The following VWA8 variants were observed in gnomAD, a reference collection of about 807,000 sequenced individuals.
The protein encoded by VWA8 is von Willebrand factor A domain containing 8, also known as von Willebrand factor A domain-containing protein 8.
Under a neutral mutation model 241.5 loss-of-function variants are expected in VWA8, and 221 were observed. That is an observed-to-expected ratio of 0.91 (90% CI 0.82 to 1.02). The LOEUF (loss-of-function observed/expected upper bound fraction) is 1.02, where lower values mean the gene tolerates loss of function less well. VWA8 is among the 50% of genes least tolerant of loss of function. The pLI, the probability that VWA8 is intolerant of heterozygous loss-of-function variation, is 0.00. For synonymous variants in VWA8, 852 were observed against 827.1 expected (o/e 1.03, Z -0.52); for missense variants, 2,322 against 2,328.7 (o/e 1.00, Z 0.06).
chr13:41,659,166 C>T (rs965236349), intron 37 of VWA8, among the ~76,000 whole-genome samples: 2 of 152,174 alleles, frequency 1.3e-5, no homozygotes, highest in African/African-American at 4.8e-5. Flanking sequence ...CCATCATGAC[C>T]TTGTATCAGT....
chr13:41,721,279 T>C lies in VWA8; in HGVS notation c.2964+91A>G, dbSNP rs191657179. 2.2e-3 allele frequency: 2,901 copies of C among 1,291,008 alleles called. 9 individuals are homozygous for C. Among genetic ancestry groups the C allele is most frequent in the Middle Eastern group, 3.6e-3 (15 of 4,118 alleles). The allele number at this position is 1,291,008 out of a possible 1,614,324, so 80.0% of individuals were successfully genotyped here. Reference sequence around the variant, plus strand: ...GTAATCTGACTCATTATTGTATTTATGGAAATTAAAAACTCTGGTACAAAC... The same window carrying C: ...GTAATCTGACTCATTATTGTATTTACGGAAATTAAAAACTCTGGTACAAAC... On this transcript the variant is annotated intron_variant, in intron 25 of 44. Transcript: ENST00000379310.
intron 41 of VWA8, among the ~76,000 whole-genome samples, chr13:41,588,458 T>C (rs1026621305): frequency 1.3e-5 from 2 of 152,212 alleles, no homozygotes; most frequent in African/African-American, 4.8e-5. Flanking sequence ...CAGGGGCTCA[T>C]GCCTGTAATC....
chr13:41,616,519 CT>C (rs1397464707), intron 37 of VWA8, among the ~76,000 whole-genome samples: 1 of 151,986 alleles, frequency 6.6e-6, no homozygotes, highest in African/African-American at 2.4e-5. Flanking sequence ...ATTTAAAATA[CT>C]TTCCCAAAAA....
At chr13:41,912,524 C>T (rs1876060763) in intron 2 of VWA8, among the ~76,000 whole-genome samples, 1 of 152,024 alleles carries the variant, frequency 6.6e-6, no homozygotes, top group Admixed American at 6.6e-5. Context: ...AAGCGATCTT[C>T]AAGGATGATT....
Position 41,816,752 on chromosome 13 carries a change from A to C in VWA8, c.1893T>G (p.Ala631=). The C allele has an allele frequency of 6.2e-7, 1 of 1,613,642 alleles. No individual in the cohort carries two copies. Among genetic ancestry groups the C allele is most frequent in the East Asian group, 2.2e-5 (1 of 44,802 alleles). The change falls in exon 16 of 45, where the codon GCT becomes GCG. Residue 631 remains alanine, a synonymous_variant. Coordinates refer to ENST00000379310, the MANE Select transcript of VWA8 (RefSeq NM_015058.2). The part of the protein sequence containing the change: ...KEKVPNVPQE[A]LDKLLSFTHK... ...GTGTAAATGATAATAACTTATCCAG[A>C]GCTTCCTGAGGTACATTTGGGACCT... is the stretch of plus-strand genomic sequence containing the variant.
Position 41,787,522 on chromosome 13 carries a change from C to G in VWA8, c.2085G>C (p.Arg695Ser), listed in dbSNP as rs1289099119. 1.2e-6 allele frequency: 2 copies of G among 1,611,550 alleles called. No homozygotes were observed. Among genetic ancestry groups the G allele is most frequent in the African/African-American group, 2.7e-5 (2 of 74,514 alleles). The change falls in exon 18 of 45, where the codon AGG becomes AGC. Residue 695 changes from arginine to serine, a missense_variant. By Grantham distance (110) the Arg-to-Ser change is moderately radical. Coordinates refer to ENST00000379310, the MANE Select transcript of VWA8 (RefSeq NM_015058.2). Reference sequence around the variant, plus strand: ...CTGCCAGATTTTTTTCTAATGCTGACCTAGCAAGACTGGGTAAAAACCTGG... The same window carrying G: ...CTGCCAGATTTTTTTCTAATGCTGAGCTAGCAAGACTGGGTAAAAACCTGG... ...CLSRFLPSLARSALEKNLADA... is the reference protein window; with the variant it reads ...CLSRFLPSLASSALEKNLADA...
chr13:41,956,936 G>GT (rs1878374851), intron 1 of VWA8, among the ~76,000 whole-genome samples: 2 of 152,126 alleles, frequency 1.3e-5, no homozygotes, highest in Admixed American at 6.5e-5. Flanking sequence ...TTAAAAAAAT[G>GT]TATCTGTATA....
chr13:41,918,590 GT>G (rs1566038956), intron 2 of VWA8, among the ~76,000 whole-genome samples: 1 of 151,952 alleles, frequency 6.6e-6, no homozygotes, highest in African/African-American at 2.4e-5. Context: ...TTTTTATATT[GT>G]TTTGATTTCT....
intron 12 of VWA8, among the ~76,000 whole-genome samples, chr13:41,856,671 A>C (rs570055260): frequency 6.6e-6 from 1 of 152,076 alleles, no homozygotes; most frequent in African/African-American, 2.4e-5. Context: ...AAATACAAAA[A>C]AAATTAGCCA....
intron 40 of VWA8, among the ~76,000 whole-genome samples, chr13:41,602,392 C>T (rs1227983407): frequency 6.6e-6 from 1 of 152,052 alleles, no homozygotes; most frequent in Non-Finnish European, 1.5e-5. Flanking sequence ...CCATACAGCC[C>T]AGGACAGGTT....
chr13:41,847,860 A>G (rs1011766064), intron 12 of VWA8, among the ~76,000 whole-genome samples: 1 of 152,244 alleles, frequency 6.6e-6, no homozygotes, highest in Non-Finnish European at 1.5e-5. Context: ...TGAATAGAAT[A>G]TGGAATGCAA....
chr13:41,604,487 T>C lies in VWA8; in HGVS notation c.4986+681A>G, dbSNP rs9566807. ...GCTTTTCCAGAGTTTTGGGTTAAAA[T>C]GGTGGATTAAAAACGGCATCACAGA... On this transcript the variant is annotated intron_variant, in intron 40 of 44. Transcript: ENST00000379310. 3.3e-5 allele frequency among the ~76,000 whole-genome samples: 5 copies of C among 152,230 alleles called. No individual in the cohort carries two copies. In the East Asian group the frequency reaches 9.7e-4, roughly 29 times the overall value.
At chr13:41,807,977 AT>A (rs1870292263) in intron 17 of VWA8, 2 of 152,196 alleles carry the variant, frequency 1.3e-5, no homozygotes, top group Non-Finnish European at 2.9e-5. Context: ...CACTTCACAT[AT>A]GATGATACAT....
chr13:41,591,721 A>G (rs2044456013), intron 40 of VWA8, among the ~76,000 whole-genome samples: 2 of 149,262 alleles, frequency 1.3e-5, no homozygotes, highest in South Asian at 4.4e-4. Context: ...AAAAATGCTC[A>G]TCATCACTGG....
intron 3 of VWA8, among the ~76,000 whole-genome samples, chr13:41,911,327 G>A (rs1395994638): frequency 6.6e-6 from 1 of 152,166 alleles, no homozygotes; most frequent in East Asian, 1.9e-4. Flanking sequence ...GCCTCCCAAA[G>A]GGCTGGGATT....
In VWA8 at chr13:41,570,814, C is replaced by A. The variant is rs570945238; in HGVS notation, c.5371-108G>T. The A allele has an allele frequency of 1.2e-5, 10 of 863,482 alleles. No homozygotes were observed. The Admixed American group carries it at 2.4e-4, about 21-fold the overall frequency. 53.5% of individuals were successfully genotyped at this position (863,482 alleles called of 1,614,324 possible). On this transcript the variant is annotated intron_variant, in intron 43 of 44. Coordinates refer to ENST00000379310, the MANE Select transcript of VWA8 (RefSeq NM_015058.2). ...AGCATGCATACATACCAATTATTAC[C>A]CATGAGTAGTACATTCTAAGTTAGT...
rs78249715 is a variant in VWA8, at chr13:41,886,084, T to C, written c.867-56A>G. ...GTTTTAAAATATAAAATGTGTAAGT[T>C]GTTAAATATAAAATACAGGGGCCAA... On this transcript the variant is annotated intron_variant, in intron 7 of 44. Coordinates refer to ENST00000379310, the MANE Select transcript of VWA8 (RefSeq NM_015058.2). The C allele has an allele frequency of 3.7e-3, 4,530 of 1,221,822 alleles. 141 individuals carry two copies. The African/African-American group carries it at 0.062, about 17-fold the overall frequency. The allele number at this position is 1,221,822 out of a possible 1,614,324, so 75.7% of individuals were successfully genotyped here.
At chr13:41,946,927 C>T (rs1034755414) in intron 2 of VWA8, among the ~76,000 whole-genome samples, 1 of 152,240 alleles carries the variant, frequency 6.6e-6, no homozygotes, top group African/African-American at 2.4e-5. Context: ...TCCTCATAAT[C>T]TAATCACCCT....
chr13:41,619,595 T>C (rs1391470532), intron 37 of VWA8, among the ~76,000 whole-genome samples: 1 of 152,224 alleles, frequency 6.6e-6, no homozygotes, highest in Non-Finnish European at 1.5e-5. Flanking sequence ...AGTATGATAT[T>C]GGCTGTGGGT....
Sources: gnomAD v4.1 joint callset for allele counts (sites outside exome capture counted in the v4.1 genomes callset) on GRCh38, gnomAD v4.1.1 for gene constraint, MANE v1.5 for transcripts, NCBI Gene and HGNC (gene_info 2026-07-23, HGNC 2026-07-21) for gene names.